Variants in GSE1 observed in about 807,000 individuals in gnomAD.
GSE1 encodes genetic suppressor element 1.
Under a neutral mutation model 112.6 loss-of-function variants are expected in GSE1, and 32 were observed. The observed-to-expected ratio is 0.28, with a 90% CI of 0.21 to 0.38. The LOEUF (loss-of-function observed/expected upper bound fraction) is 0.38, where lower values mean the gene tolerates loss of function less well. GSE1 is among the 10% of genes least tolerant of loss of function. The probability of loss-of-function intolerance (pLI) is 1.00; values close to 1 mark genes in which losing one functional copy is unlikely to be tolerated. For missense variants in GSE1, 2,348 were observed against 1,699.2 expected (o/e 1.38, Z -6.71); for synonymous variants, 1,115 against 735.6 (o/e 1.52, Z -8.35).
chr16:85,315,183 G>T (rs2045961072), intron 1 of GSE1, among the ~76,000 whole-genome samples: 1 of 148,202 alleles, frequency 6.7e-6, no homozygotes, highest in African/African-American at 2.5e-5. Flanking sequence ...CTTTTGACAA[G>T]GAAGGAGACA....
intron 1 of GSE1, among the ~76,000 whole-genome samples, chr16:85,189,093 G>T (rs1010544074): frequency 3.9e-5 from 6 of 152,292 alleles, no homozygotes; most frequent in Middle Eastern, 3.4e-3. Context: ...AGCCAAGCTT[G>T]TTCCCACCAT....
intron 1 of GSE1, among the ~76,000 whole-genome samples, chr16:85,232,096 T>A (rs1437029153): frequency 6.6e-6 from 1 of 152,220 alleles, no homozygotes; most frequent in Non-Finnish European, 1.5e-5. Flanking sequence ...GCAAAAGCCT[T>A]CCTGGCAGGC....
At chr16:85,247,275 G>A (rs1371525665) in intron 1 of GSE1, among the ~76,000 whole-genome samples, 1 of 152,182 alleles carries the variant, frequency 6.6e-6, no homozygotes, top group Non-Finnish European at 1.5e-5. Context: ...AAGACCTAGT[G>A]GGTAGGGAGT....
At chr16:85,671,435 G>A (rs1180954821) in intron 15 of GSE1, among the ~76,000 whole-genome samples, 8 of 19,816 alleles carry the variant, frequency 4.0e-4, no homozygotes, top group Non-Finnish European at 5.9e-4. Flanking sequence ...GCGAGACTCC[G>A]TCTCAAAAAA....
At chr16:85,555,922 C>G (rs1298071017), upstream of GSE1, 3 of 967,226 alleles carry the variant, frequency 3.1e-6, no homozygotes, top group East Asian at 2.3e-4. Context: ...GCTCCTCTTC[C>G]CCGCCTGCTT....
intron 2 of GSE1, among the ~76,000 whole-genome samples, chr16:85,403,124 T>C (rs753773710): frequency 6.6e-6 from 1 of 151,822 alleles, no homozygotes; most frequent in Non-Finnish European, 1.5e-5. Flanking sequence ...GGCCGTGGGA[T>C]AGAGGCCTCA....
intron 1 of GSE1, among the ~76,000 whole-genome samples, chr16:85,181,205 G>A (rs568296175): frequency 6.6e-6 from 1 of 152,348 alleles, no homozygotes; most frequent in Admixed American, 6.5e-5. Context: ...CCTTGGGCAG[G>A]GTGCCAGTTC....
At chr16:85,341,976 A>G (rs1015517737) in intron 1 of GSE1, among the ~76,000 whole-genome samples, 1 of 152,108 alleles carries the variant, frequency 6.6e-6, no homozygotes, top group Non-Finnish European at 1.5e-5. Context: ...GCAGTGGAAT[A>G]GAGACCGGCA....
At chr16:85,559,430 T>G (rs2045406158) in intron 1 of GSE1, among the ~76,000 whole-genome samples, 1 of 152,228 alleles carries the variant, frequency 6.6e-6, no homozygotes, top group Admixed American at 6.5e-5. Flanking sequence ...GATGAGAGGC[T>G]GACCCTGCCC....
chr16:85,275,376 T>G (rs1909254461), intron 1 of GSE1, among the ~76,000 whole-genome samples: 1 of 152,074 alleles, frequency 6.6e-6, no homozygotes, highest in South Asian at 2.1e-4. Context: ...GGGCGAAGGC[T>G]CTGTCGGGAG....
upstream of GSE1, among the ~76,000 whole-genome samples, chr16:85,608,514 C>T (rs901702337): frequency 6.6e-6 from 1 of 151,950 alleles, no homozygotes; most frequent in Admixed American, 6.6e-5. Context: ...GACCTGAAAC[C>T]GCTTGAGACC....
chr16:85,646,090 C>T (rs1216166352), intron 2 of GSE1, among the ~76,000 whole-genome samples: 2 of 128,352 alleles, frequency 1.6e-5, no homozygotes, highest in Non-Finnish European at 3.2e-5. Flanking sequence ...GCTTCTACCA[C>T]GCTTCCTATG....
intron 2 of GSE1, among the ~76,000 whole-genome samples, chr16:85,415,912 G>A (rs542234370): frequency 2.5e-4 from 38 of 152,304 alleles, no homozygotes; most frequent in African/African-American, 7.7e-4. Context: ...AACTTGTGGC[G>A]GACCCATCGA....
intron 1 of GSE1, among the ~76,000 whole-genome samples, chr16:85,174,954 T>A (rs2074431096): frequency 6.6e-6 from 1 of 152,174 alleles, no homozygotes; most frequent in Non-Finnish European, 1.5e-5. Context: ...TTAGGTGGGA[T>A]GAGGAGGGCA....
At chr16:85,513,589 G>T (rs1328033397) in intron 2 of GSE1, among the ~76,000 whole-genome samples, 1 of 152,060 alleles carries the variant, frequency 6.6e-6, no homozygotes, top group Non-Finnish European at 1.5e-5. Context: ...CCCCTTCTTT[G>T]TCTGTCCAGC....
chr16:85,182,159 C>T (rs944829715), intron 1 of GSE1, among the ~76,000 whole-genome samples: 22 of 152,266 alleles, frequency 1.4e-4, no homozygotes, highest in African/African-American at 5.3e-4. Flanking sequence ...CTCCCCCACC[C>T]TCCCCGCCCC....
At chr16:85,624,460 G>A (rs78159968) in intron 1 of GSE1, among the ~76,000 whole-genome samples, 4,622 of 152,322 alleles carry the variant, frequency 0.03, 127 homozygotes, top group South Asian at 0.087. Flanking sequence ...ATTCCCAGCC[G>A]TGTAGGTCCC....
chr16:85,280,045 G>A (rs1022682961), intron 1 of GSE1, among the ~76,000 whole-genome samples: 3 of 152,190 alleles, frequency 2.0e-5, no homozygotes, highest in African/African-American at 4.8e-5. Flanking sequence ...TTCACCCAAA[G>A]GTTGCTGAGG....
intron 14 of GSE1, 78 bp from the exon 15 acceptor site, chr16:85,670,917 G>A: frequency 1.1e-6 from 1 of 869,660 alleles, no homozygotes; most frequent in Non-Finnish European, 1.9e-6. Flanking sequence ...TGCTGGGCAG[G>A]GTGTGAAGAG....
Sources: gnomAD v4.1 joint callset for allele counts (sites outside exome capture counted in the v4.1 genomes callset) on GRCh38, gnomAD v4.1.1 for gene constraint, MANE v1.5 for transcripts, NCBI Gene and HGNC (gene_info 2026-07-23, HGNC 2026-07-21) for gene names.